Variants in CT55 observed in about 807,000 individuals in gnomAD.
The protein encoded by CT55 is cancer/testis antigen 55.
CT55 carries 1 observed loss-of-function variant against 12.6 expected under a neutral mutation model. The ratio of observed to expected loss-of-function variants is 0.08; its 90% CI spans 0.03 to 0.38. The LOEUF (loss-of-function observed/expected upper bound fraction) is 0.38, where lower values mean the gene tolerates loss of function less well. Ranked by LOEUF, CT55 falls within the 10% of genes least tolerant of loss-of-function variation. The pLI is 0.99. For synonymous variants in CT55, 43 were observed against 49.7 expected (o/e 0.87, Z 0.57); for missense variants, 109 against 135.4 (o/e 0.80, Z 0.97).
chrX:135,169,672 G>A lies in CT55; in HGVS notation c.201C>T (p.Asn67=), dbSNP rs782149979. 3.3e-6 allele frequency: 4 copies of A among 1,206,331 alleles called. No individual in the cohort carries two copies. Among genetic ancestry groups the A allele is most frequent in the East Asian group, 3.0e-5 (1 of 33,724 alleles). The change falls in exon 2 of 6, where the codon AAC becomes AAT. Residue 67 remains asparagine (N), a synonymous_variant. Transcript: ENST00000276241. ...CTTTTTGTCCAACTTTTAGAGGCAC[G>A]TTGCCAGTCACAACATCACTACTGA... is the stretch of plus-strand genomic sequence containing the variant. ...IYFSSDVVTG[N]VPLKVGQKVN... is the part of the protein sequence containing the mutation.
chrX:135,166,156 C>CA lies in CT55; in HGVS notation c.279+3437dup, dbSNP rs200886965. 5.0e-3 allele frequency among the ~76,000 whole-genome samples: 520 copies of CA among 104,505 alleles called. 3 individuals carry two copies. Among genetic ancestry groups the CA allele is most frequent in the African/African-American group, 0.018 (503 of 28,565 alleles). 90.8% of individuals were successfully genotyped at this position (104,505 alleles called of 115,157 possible). On this transcript the variant is annotated intron_variant, in intron 2 of 5. Transcript: ENST00000276241. ...TGAGGAAACAGAAAGAAGAGAAAAC[C>CA]AAAAAAAACTACATGCCAAAATTCC...
At chrX:135,168,573 T>A (rs1462454403) in intron 2 of CT55, among the ~76,000 whole-genome samples, 16 of 111,045 alleles carry the variant, frequency 1.4e-4, no homozygotes, top group African/African-American at 4.9e-4. Flanking sequence ...TGGAGCTGGA[T>A]GTTGTTGGGG....
chrX:135,171,297 A>G lies in CT55; in HGVS notation c.-126T>C. 1.8e-6 allele frequency: 2 copies of G among 1,100,328 alleles called. No individual in the cohort carries two copies. The highest frequency in any genetic ancestry group is 2.4e-6 in the Non-Finnish European group (2 of 832,487). The allele number at this position is 1,100,328 out of a possible 1,213,427, so 90.7% of individuals were successfully genotyped here. A position where few individuals can be genotyped will look rare whatever the true frequency, so the allele number is the denominator to read the frequency against. ...ACTCACTTCCTGCTTCTCCTCAGAC[A>G]CTGTGGCATGGGACCCACCCGTTAG... On this transcript the variant is annotated 5_prime_UTR_variant, in exon 1 of 6. Coordinates refer to ENST00000276241, the MANE Select transcript of CT55 (RefSeq NM_001031705.3).
At chrX:135,160,665 A>G in intron 2 of CT55, 110 bp from the exon 3 acceptor site, 1 of 853,966 alleles carries the variant, frequency 1.2e-6, no homozygotes, top group Non-Finnish European at 1.6e-6. Flanking sequence ...CATCCTAAAC[A>G]CTGGAGAATA....
chrX:135,162,792 C>G (rs1556405369), intron 2 of CT55, among the ~76,000 whole-genome samples: 4 of 111,497 alleles, frequency 3.6e-5, no homozygotes, highest in South Asian at 7.7e-4. Context: ...AGACAGGAAG[C>G]CACAGCCACA....
At chrX:135,161,821 T>C (rs1199642220) in intron 2 of CT55, among the ~76,000 whole-genome samples, 2 of 112,490 alleles carry the variant, frequency 1.8e-5, no homozygotes, top group Admixed American at 1.9e-4. Context: ...ACCAATCTGA[T>C]GTTTATTATC....
intron 2 of CT55, among the ~76,000 whole-genome samples, chrX:135,165,246 C>T (rs1342972731): frequency 6.3e-5 from 7 of 111,934 alleles, no homozygotes; most frequent in East Asian, 5.6e-4. Flanking sequence ...CTAACCACAA[C>T]GGTAAAGTAT....
rs57481039 is a variant in CT55 at position 135,159,925 on chromosome X, AAC to A, written c.424+484_424+485del. 1.3e-3 allele frequency among the ~76,000 whole-genome samples: 134 copies of A among 104,890 alleles called. 1 individual carries two copies. Among genetic ancestry groups the A allele is most frequent in the East Asian group, 9.7e-3 (32 of 3,312 alleles). 91.1% of individuals were successfully genotyped at this position (104,890 alleles called of 115,157 possible). On this transcript the variant is annotated intron_variant, in intron 3 of 5. Coordinates refer to ENST00000276241, the MANE Select transcript of CT55 (RefSeq NM_001031705.3). ...CCGATTACAAAGAGAATTCAACAAC[AAC>A]ACACACACACACACACACACACACA... is the stretch of plus-strand genomic sequence containing the variant.
intron 2 of CT55, among the ~76,000 whole-genome samples, chrX:135,163,115 C>T (rs1556405430): frequency 1.8e-5 from 2 of 112,027 alleles, no homozygotes; most frequent in East Asian, 5.6e-4. Context: ...ACTGCAAAGA[C>T]CGAAATGGAT....
chrX:135,165,546 A>G (rs1198871856), intron 2 of CT55, among the ~76,000 whole-genome samples: 4 of 111,693 alleles, frequency 3.6e-5, no homozygotes, highest in African/African-American at 1.3e-4. Flanking sequence ...AAAAAATGCA[A>G]TGCAAAATTA....
At chrX:135,169,570 T>A (rs1369937426) in intron 2 of CT55, 24 bp downstream of exon 2, 1 of 1,152,253 alleles carries the variant, frequency 8.7e-7, no homozygotes, top group Non-Finnish European at 1.2e-6. Context: ...TAAGACACAA[T>A]TCCCAAACTC....
chrX:135,171,725 A>G (rs1556406886), upstream of CT55, among the ~76,000 whole-genome samples: 5 of 111,590 alleles, frequency 4.5e-5, no homozygotes, highest in African/African-American at 1.6e-4. Context: ...TGGGCGGTCA[A>G]TAGTTACTCC....
intron 2 of CT55, among the ~76,000 whole-genome samples, 166 bp downstream of exon 2, chrX:135,169,428 A>G (rs1169079147): frequency 1.8e-5 from 2 of 112,254 alleles, no homozygotes; most frequent in African/African-American, 6.5e-5. Context: ...TACTACAAAT[A>G]TTACAACAGA....
At chrX:135,170,604 A>G (rs2083606810) in intron 1 of CT55, among the ~76,000 whole-genome samples, 1 of 109,954 alleles carries the variant, frequency 9.1e-6, no homozygotes, top group Non-Finnish European at 1.9e-5. Flanking sequence ...TATTCTGCAC[A>G]AGCCTAGCTG....
rs56051595 is a variant in CT55, at chrX:135,166,036, CAAAAAAAAAAAAAAAA to C, written c.279+3542_279+3557del. The stretch of plus-strand genomic sequence containing the variant: ...AATAGCTATACTTTTAAACCTATTC[CAAAAAAAAAAAAAAAA>C]AAAAAAAAAAAACGGACAAGAGACG... On this transcript the variant is annotated intron_variant, in intron 2 of 5. Transcript: ENST00000276241. Among the ~76,000 whole-genome samples, 3 of 36,046 alleles carry C rather than the reference CAAAAAAAAAAAAAAAA, an allele frequency of 8.3e-5. No individual in the cohort carries two copies. In the Admixed American group the frequency reaches 1.3e-3, roughly 16 times the overall value. The allele number at this position is 36,046 out of a possible 115,157, so 31.3% of individuals were successfully genotyped here.
At chrX:135,167,627 T>C (rs1188566075) in intron 2 of CT55, among the ~76,000 whole-genome samples, 1 of 108,609 alleles carries the variant, frequency 9.2e-6, no homozygotes, top group East Asian at 2.8e-4. Context: ...AAAAAGCTTC[T>C]GCACCACAGA....
chrX:135,166,870 A>G (rs1569482136), intron 2 of CT55, among the ~76,000 whole-genome samples: 1 of 111,969 alleles, frequency 8.9e-6, no homozygotes, highest in Non-Finnish European at 1.9e-5. Flanking sequence ...CAAAAAAATT[A>G]AAATAGGAAT....
chrX:135,168,861 A>G (rs1556406365), intron 2 of CT55, among the ~76,000 whole-genome samples: 1 of 112,436 alleles, frequency 8.9e-6, no homozygotes, highest in Non-Finnish European at 1.9e-5. Flanking sequence ...CCTACCATAG[A>G]GATAGCCATA....
chrX:135,168,329 A>C (rs1239411299), intron 2 of CT55, among the ~76,000 whole-genome samples: 8 of 112,169 alleles, frequency 7.1e-5, no homozygotes, highest in African/African-American at 2.6e-4. Flanking sequence ...TGTAAGTGAG[A>C]TAAGCCAGTC....
Sources: allele counts gnomAD v4.1 joint callset (sites outside exome capture counted in the v4.1 genomes callset), GRCh38; gene constraint gnomAD v4.1.1; transcripts MANE v1.5; gene names NCBI Gene and HGNC (gene_info 2026-07-23, HGNC 2026-07-21).